The following MAN1A1 variants were observed in gnomAD, a reference collection of about 807,000 sequenced individuals.
MAN1A1 encodes the protein mannosyl-oligosaccharide 1,2-alpha-mannosidase IA.
In MAN1A1, 29 loss-of-function variants were observed where a neutral mutation model predicts 70.8. That is an observed-to-expected ratio of 0.41 (90% CI 0.31 to 0.56). The LOEUF is 0.56. MAN1A1 is among the 20% of genes least tolerant of loss of function. The probability of loss-of-function intolerance (pLI) is 0.29; values close to 1 mark genes in which losing one functional copy is unlikely to be tolerated. For synonymous variants in MAN1A1, 349 were observed against 330.1 expected, an observed-to-expected ratio of 1.06 and a Z score of -0.62; for missense variants, 747 against 841.3, an observed-to-expected ratio of 0.89 and a Z score of 1.39.
In MAN1A1 at chr6:119,204,804, A is replaced by T; in HGVS notation, c.1071T>A (p.Phe357Leu). Reference protein sequence around the residue: ...LAEFGTLHLEFMHLSHLSGNP... With the variant: ...LAEFGTLHLELMHLSHLSGNP... ...TTCCTGATAAGTGGCTCAAGTGCAT[A>T]AACTCCAAATGCAGGGTTCCAAATT... The change falls in exon 7 of 13, where the codon TTT becomes TTA. Residue 357 changes from phenylalanine (F) to leucine (L), a missense_variant. Transcript: ENST00000368468. The T allele has an allele frequency of 6.2e-7, 1 of 1,614,044 alleles. No homozygotes were observed. The highest frequency in any genetic ancestry group is 8.5e-7 in the Non-Finnish European group (1 of 1,179,910).
chr6:119,230,046 T>A (rs998504654), intron 6 of MAN1A1, among the ~76,000 whole-genome samples: 2 of 152,182 alleles, frequency 1.3e-5, no homozygotes, highest in South Asian at 2.1e-4. Flanking sequence ...TGATGACAGA[T>A]GATCTCAAAT....
chr6:119,199,143 A>G lies in MAN1A1; in HGVS notation c.1210+2111T>C, dbSNP rs532294607. The stretch of plus-strand genomic sequence containing the variant: ...ATATCAGAAAACCACATTTGTTAAT[A>G]TCATCATCAATCTAACAGGAAAAGT... On this transcript the variant is annotated intron_variant, in intron 8 of 12. Transcript: ENST00000368468. Among the ~76,000 whole-genome samples, 10 of 152,312 alleles carry G rather than the reference A, an allele frequency of 6.6e-5. No individual in the cohort carries two copies. In the South Asian group the frequency reaches 2.1e-3, roughly 32 times the overall value.
At chr6:119,289,589 G>T (rs747511621) in intron 5 of MAN1A1, among the ~76,000 whole-genome samples, 4 of 151,798 alleles carry the variant, frequency 2.6e-5, no homozygotes, top group Non-Finnish European at 5.9e-5. Flanking sequence ...GGCTGAGAAG[G>T]TAACAGAGTT....
At chr6:119,313,547 A>G (rs950629242) in intron 2 of MAN1A1, among the ~76,000 whole-genome samples, 1 of 152,176 alleles carries the variant, frequency 6.6e-6, no homozygotes, top group African/African-American at 2.4e-5. Context: ...CCCCAATGTT[A>G]CAATGACAAT....
In MAN1A1 at chr6:119,223,998, T is replaced by A. The variant is rs558931239; in HGVS notation, c.993-19116A>T. On this transcript the variant is annotated intron_variant, in intron 6 of 12. Coordinates refer to ENST00000368468, the MANE Select transcript of MAN1A1 (RefSeq NM_005907.4). ...AAGGCTTTTTAAAAAAATCTGATTT[T>A]AAAAAATTGCAGTTATATTTTAAGA... is the stretch of plus-strand genomic sequence containing the variant. Among the ~76,000 whole-genome samples, 466 of 152,280 alleles carry A rather than the reference T, an allele frequency of 3.1e-3. 1 individual carries two copies. The highest frequency in any genetic ancestry group is 0.011 in the African/African-American group (444 of 41,570).
intron 5 of MAN1A1, among the ~76,000 whole-genome samples, chr6:119,257,311 G>T (rs1775486850): frequency 6.6e-6 from 1 of 152,148 alleles, no homozygotes; most frequent in Non-Finnish European, 1.5e-5. Flanking sequence ...ACCAGGAAGA[G>T]AAGTTTAAAA....
intron 10 of MAN1A1, among the ~76,000 whole-genome samples, chr6:119,188,886 C>T (rs924475777): frequency 4.6e-5 from 7 of 152,062 alleles, no homozygotes; most frequent in African/African-American, 1.7e-4. Flanking sequence ...AAGATAAGAA[C>T]AAAAACTCTA....
chr6:119,287,293 A>G (rs1236596245), intron 5 of MAN1A1, among the ~76,000 whole-genome samples: 2 of 152,120 alleles, frequency 1.3e-5, no homozygotes, highest in African/African-American at 4.8e-5. Flanking sequence ...CTGATTCTGT[A>G]ACATTTCTAT....
intron 12 of MAN1A1, among the ~76,000 whole-genome samples, 178 bp downstream of exon 12, chr6:119,180,134 G>A (rs964539917): frequency 1.3e-5 from 2 of 152,150 alleles, no homozygotes; most frequent in Admixed American, 1.3e-4. Flanking sequence ...CAGTGCTTTG[G>A]TGTTAGCAGT....
At chr6:119,237,554 C>T (rs1348917506) in intron 6 of MAN1A1, among the ~76,000 whole-genome samples, 5 of 152,158 alleles carry the variant, frequency 3.3e-5, no homozygotes, top group African/African-American at 1.2e-4. Flanking sequence ...TCTCCTCTCC[C>T]TCTCCCTCTC....
chr6:119,277,364 A>G (rs906801546), intron 5 of MAN1A1, among the ~76,000 whole-genome samples: 1 of 152,214 alleles, frequency 6.6e-6, no homozygotes, highest in African/African-American at 2.4e-5. Context: ...ATAAACCATA[A>G]ATCTACATCA....
intron 2 of MAN1A1, among the ~76,000 whole-genome samples, chr6:119,347,985 G>C (rs1407643855): frequency 6.6e-6 from 1 of 152,224 alleles, no homozygotes; most frequent in Non-Finnish European, 1.5e-5. Flanking sequence ...TTTATAGTCT[G>C]AAAGTACACA....
chr6:119,293,787 C>A (rs1219015704), intron 4 of MAN1A1, among the ~76,000 whole-genome samples: 2 of 152,108 alleles, frequency 1.3e-5, no homozygotes, highest in African/African-American at 2.4e-5. Context: ...GATAAAAATT[C>A]TCCCACCACA....
At position 119,179,381 on chromosome 6, in the gene MAN1A1, G is replaced by GTTTT. The variant is rs1318381575; in HGVS notation, c.*437_*438insAAAA. ...AACCAGATTAACATGAAATTGTAAA[G>GTTTT]GAAAAAGCTTTTTTATACTTATTAT... On this transcript the variant is annotated 3_prime_UTR_variant, in exon 13 of 13. Transcript: ENST00000368468. 2 of 153,288 alleles carry GTTTT rather than the reference G, an allele frequency of 1.3e-5. No homozygotes were observed. The highest frequency in any genetic ancestry group is 6.5e-5 in the Admixed American group (1 of 15,442). The allele number at this position is 153,288 out of a possible 1,614,324, so 9.5% of individuals were successfully genotyped here.
chr6:119,179,061 C>T lies in MAN1A1; in HGVS notation c.*758G>A, dbSNP rs1305705448. ...AGCTCTGCAAAATTTGAAAGCTCAC[C>T]TCTCTGTGTAGTGGGGAATGGAAGA... On this transcript the variant is annotated 3_prime_UTR_variant, in exon 13 of 13. Coordinates refer to ENST00000368468, the MANE Select transcript of MAN1A1 (RefSeq NM_005907.4). 1 of 152,136 alleles carries T rather than the reference C, an allele frequency of 6.6e-6. No individual in the cohort carries two copies. Among genetic ancestry groups the T allele is most frequent in the Non-Finnish European group, 1.5e-5 (1 of 67,994 alleles). The allele number at this position is 152,136 out of a possible 1,614,324, so 9.4% of individuals were successfully genotyped here.
chr6:119,331,177 T>A (rs1582810726), intron 2 of MAN1A1, among the ~76,000 whole-genome samples: 1 of 152,326 alleles, frequency 6.6e-6, no homozygotes, highest in East Asian at 1.9e-4. Context: ...TCTCTTAAGA[T>A]CAATTAAACA....
At position 119,179,959 on chromosome 6, in the gene MAN1A1, CATAAGT is replaced by C; in HGVS notation, c.1836-20_1836-15del. ...AGGTACAAATATCTGGTGAGAGAAA[CATAAGT>C]ATATGAGGCCCAAGACACTAGGCAG... is the stretch of plus-strand genomic sequence containing the variant. On this transcript the variant is annotated splice_polypyrimidine_tract_variant and intron_variant, in intron 12 of 12. Transcript: ENST00000368468. The C allele has an allele frequency of 6.2e-7, 1 of 1,612,770 alleles. No homozygotes were observed. The highest frequency in any genetic ancestry group is 8.5e-7 in the Non-Finnish European group (1 of 1,179,152).
chr6:119,190,984 T>G (rs1470527455), intron 9 of MAN1A1, among the ~76,000 whole-genome samples: 1 of 152,120 alleles, frequency 6.6e-6, no homozygotes, highest in Non-Finnish European at 1.5e-5. Context: ...GAAGCACATT[T>G]GGGAATAATA....
intron 5 of MAN1A1, among the ~76,000 whole-genome samples, chr6:119,253,236 CTGTT>C (rs779610855): frequency 3.0e-4 from 45 of 152,092 alleles, no homozygotes; most frequent in Non-Finnish European, 5.9e-4. Flanking sequence ...GTAATGGTCA[CTGTT>C]TGGTGGTCTG....
Sources: gnomAD v4.1 joint callset for allele counts (sites outside exome capture counted in the v4.1 genomes callset) on GRCh38, gnomAD v4.1.1 for gene constraint, MANE v1.5 for transcripts, NCBI Gene and HGNC (gene_info 2026-07-23, HGNC 2026-07-21) for gene names.